DNM3: variants seen among roughly 807,000 people sequenced by gnomAD.
DNM3 encodes the protein dynamin-3.
DNM3 carries 47 observed loss-of-function variants against 101.6 expected under a neutral mutation model. The ratio of observed to expected loss-of-function variants is 0.46; its 90% CI spans 0.37 to 0.59. The LOEUF (loss-of-function observed/expected upper bound fraction) is 0.59. Among genes scored for constraint, DNM3 ranks in the 20% least tolerant of loss-of-function variants. The pLI, the probability that DNM3 is intolerant of heterozygous loss-of-function variation, is 0.00. For synonymous variants in DNM3, 385 were observed against 387.9 expected, an observed-to-expected ratio of 0.99 and a Z score of 0.09; for missense variants, 849 against 1,085.7, an observed-to-expected ratio of 0.78 and a Z score of 3.06.
At chr1:171,877,748 G>T (rs1449194100) in intron 1 of DNM3, among the ~76,000 whole-genome samples, 1 of 152,166 alleles carries the variant, frequency 6.6e-6, no homozygotes, top group Non-Finnish European at 1.5e-5. Flanking sequence ...TCCACTTGCT[G>T]CTCTGTTACC....
At chr1:172,283,775 A>AG in intron 15 of DNM3, among the ~76,000 whole-genome samples, 1 of 145,468 alleles carries the variant, frequency 6.9e-6, no homozygotes, top group Admixed American at 6.9e-5. Context: ...AAAAAAAAAA[A>AG]AAAAAAAAGA....
In DNM3 at chr1:171,842,390, G is replaced by C. The variant is rs1046168703; in HGVS notation, c.161+573G>C. On this transcript the variant is annotated intron_variant, in intron 1 of 20. Coordinates refer to ENST00000627582, the MANE Select transcript of DNM3 (RefSeq NM_015569.5). ...GCCTCTAGCTGGGGAGGCGGGGTGC[G>C]AGGAGAAAGACGTCGTTTGTTGTGG... 2.0e-5 allele frequency among the ~76,000 whole-genome samples: 3 copies of C among 152,270 alleles called. No individual in the cohort carries two copies. The East Asian group carries it at 5.8e-4, about 29-fold the overall frequency.
intron 1 of DNM3, among the ~76,000 whole-genome samples, chr1:171,905,668 G>C (rs1475954528): frequency 6.6e-6 from 1 of 152,114 alleles, no homozygotes; most frequent in African/African-American, 2.4e-5. Context: ...CTCAGGAAGA[G>C]GACTTTTAAC....
At chr1:172,136,766 C>T (rs1473500193) in intron 14 of DNM3, 2 of 152,064 alleles carry the variant, frequency 1.3e-5, no homozygotes, top group Non-Finnish European at 2.9e-5. Flanking sequence ...AACCCACTCC[C>T]CTATATGCAT....
chr1:172,046,721 C>G (rs769208813), intron 9 of DNM3, among the ~76,000 whole-genome samples: 4 of 152,106 alleles, frequency 2.6e-5, no homozygotes, highest in Non-Finnish European at 5.9e-5. Context: ...TCTAAGCTCC[C>G]TATTCTATTT....
chr1:172,061,881 A>G (rs955055507), intron 10 of DNM3, among the ~76,000 whole-genome samples: 20 of 151,952 alleles, frequency 1.3e-4, no homozygotes, highest in African/African-American at 4.6e-4. Flanking sequence ...AAAAGAAAAT[A>G]CTTGCATTTC....
At chr1:172,093,177 C>T (rs1047577434) in intron 13 of DNM3, among the ~76,000 whole-genome samples, 2 of 152,080 alleles carry the variant, frequency 1.3e-5, no homozygotes, top group Non-Finnish European at 2.9e-5. Flanking sequence ...TTTAATTTAA[C>T]ATTGAGTTTG....
At chr1:172,151,360 A>C (rs1188629716) in intron 14 of DNM3, among the ~76,000 whole-genome samples, 1 of 152,202 alleles carries the variant, frequency 6.6e-6, no homozygotes. Context: ...TTGCAAATGC[A>C]ACAAGTTATT....
intron 2 of DNM3, among the ~76,000 whole-genome samples, chr1:171,960,371 T>G (rs1443079709): frequency 6.6e-6 from 1 of 152,202 alleles, no homozygotes; most frequent in Non-Finnish European, 1.5e-5. Context: ...GCATACTTTG[T>G]TATAGCAGCC....
At chr1:172,034,204 A>G (rs1347851489) in intron 6 of DNM3, among the ~76,000 whole-genome samples, 1 of 152,174 alleles carries the variant, frequency 6.6e-6, no homozygotes, top group Non-Finnish European at 1.5e-5. Flanking sequence ...TTTAAGAGGT[A>G]CAATACAGAC....
intron 15 of DNM3, among the ~76,000 whole-genome samples, chr1:172,263,300 CCAAAGTAT>C (rs1228799864): frequency 6.6e-6 from 1 of 152,108 alleles, no homozygotes; most frequent in African/African-American, 2.4e-5. Flanking sequence ...GTTATCCATT[CCAAAGTAT>C]CAAAGTAACA....
downstream of DNM3, among the ~76,000 whole-genome samples, chr1:172,416,902 A>G (rs1016695838): frequency 6.6e-6 from 1 of 152,116 alleles, no homozygotes; most frequent in African/African-American, 2.4e-5. Flanking sequence ...CAAGTTCTCC[A>G]TCATTTAAAT....
At chr1:171,850,565 A>G (rs2032810984) in intron 1 of DNM3, among the ~76,000 whole-genome samples, 2 of 152,230 alleles carry the variant, frequency 1.3e-5, no homozygotes, top group Non-Finnish European at 2.9e-5. Context: ...TACTACCAGG[A>G]CAGCAACAAT....
At chr1:172,382,548 C>A (rs1381735636) in intron 18 of DNM3, among the ~76,000 whole-genome samples, 3 of 152,124 alleles carry the variant, frequency 2.0e-5, no homozygotes, top group Admixed American at 6.5e-5. Flanking sequence ...AGAGTTAAGA[C>A]TGAAATCCAA....
chr1:172,353,102 C>G (rs2067270627), intron 17 of DNM3, among the ~76,000 whole-genome samples: 1 of 152,154 alleles, frequency 6.6e-6, no homozygotes, highest in Non-Finnish European at 1.5e-5. Context: ...GCAGCCATAT[C>G]CACAGGCCAC....
chr1:172,377,281 T>G (rs1178446835), intron 17 of DNM3, among the ~76,000 whole-genome samples: 1 of 151,876 alleles, frequency 6.6e-6, no homozygotes, highest in African/African-American at 2.4e-5. Context: ...GTCCTAAGGT[T>G]GTGCTACAGA....
At position 172,033,263 on chromosome 1, in the gene DNM3, C is replaced by T. The variant is rs1261171523; in HGVS notation, c.847C>T (p.Gln283Ter). Residue 283 changes from glutamine to a stop codon, truncating the protein, a stop_gained and splice_region_variant, in exon 6 of 21, where the codon CAG (glutamine) becomes TAG (stop). Transcript: ENST00000627582. LOFTEE classifies it high-confidence loss of function. ...GTPHLQKVLNQQLTNHIRDTL... is the reference protein window; with the variant it reads ...GTPHLQKVLN The stretch of plus-strand genomic sequence containing the variant: ...CCCACACCTGCAGAAGGTCCTTAAT[C>T]AGGTAAAAATGTTCTTTCAAGCAAC... 1 of 1,593,374 alleles carries T rather than the reference C, an allele frequency of 6.3e-7. No individual in the cohort carries two copies. The highest frequency in any genetic ancestry group is 8.5e-7 in the Non-Finnish European group (1 of 1,169,600).
Position 172,068,803 on chromosome 1 carries a change from C to T in DNM3, c.1336-16C>T. 1 of 1,556,914 alleles carries T rather than the reference C, an allele frequency of 6.4e-7. No homozygotes were observed. ...ACTTTTTGAGTATTAATACTCAGAT[C>T]TGCTTTTCTTGACAGCTGGCAAACT... is the stretch of plus-strand genomic sequence containing the variant. On this transcript the variant is annotated splice_polypyrimidine_tract_variant and intron_variant, in intron 10 of 20. Coordinates refer to ENST00000627582, the MANE Select transcript of DNM3 (RefSeq NM_015569.5).
intron 2 of DNM3, among the ~76,000 whole-genome samples, chr1:171,943,477 G>T (rs938901454): frequency 1.3e-4 from 20 of 152,140 alleles, no homozygotes; most frequent in African/African-American, 4.8e-4. Context: ...GCTACCTGGA[G>T]GCTTCATCTA....
Sources: gnomAD v4.1 joint callset for allele counts (sites outside exome capture counted in the v4.1 genomes callset) on GRCh38, gnomAD v4.1.1 for gene constraint, MANE v1.5 for transcripts, NCBI Gene and HGNC (gene_info 2026-07-23, HGNC 2026-07-21) for gene names.